Variants in CELF2 observed in about 807,000 individuals in gnomAD.
CELF2 encodes CUG triplet repeat RNA-binding protein 2.
CELF2 carries 8 observed loss-of-function variants against 62.6 expected under a neutral mutation model. The observed-to-expected ratio is 0.13, with a 90% CI of 0.07 to 0.23. The LOEUF is 0.23. Among genes scored for constraint, CELF2 ranks in the 10% least tolerant of loss-of-function variants. The pLI is 1.00. For synonymous variants in CELF2, 258 were observed against 250.0 expected, an observed-to-expected ratio of 1.03 and a Z score of -0.30; for missense variants, 333 against 671.0, an observed-to-expected ratio of 0.50 and a Z score of 5.56.
chr10:10,512,889 C>T, the CELF2 span, among the ~76,000 whole-genome samples: 5 of 152,112 alleles, frequency 3.3e-5, no homozygotes, highest in African/African-American at 1.2e-4. Context: ...ATACCCTGGC[C>T]ACCATCCCAG....
At chr10:11,238,118 A>G (rs2072250739) in intron 3 of CELF2, among the ~76,000 whole-genome samples, 2 of 152,222 alleles carry the variant, frequency 1.3e-5, no homozygotes, top group African/African-American at 4.8e-5. Flanking sequence ...TGGAGCGCCC[A>G]TCATTGACTT....
intron 1 of CELF2, among the ~76,000 whole-genome samples, chr10:10,820,741 C>T (rs749715818): frequency 2.6e-5 from 4 of 152,106 alleles, no homozygotes; most frequent in East Asian, 1.9e-4. Flanking sequence ...AGTCAACCAG[C>T]GAGGACAGGA....
Position 11,314,308 on chromosome 10 carries a change from A to C in CELF2, c.1096+50A>C, listed in dbSNP as rs778234930. The stretch of plus-strand genomic sequence containing the variant: ...TGCTCTGGTGGACAGCCTTCCCCCA[A>C]ATTCTCCACAGAAAGTGGTCAGCCA... On this transcript the variant is annotated intron_variant, in intron 10 of 12. Transcript: ENST00000633077. The surrounding 1 kb of genome is among the most constrained non-coding windows in gnomAD (Gnocchi z 5.3). 6.2e-7 allele frequency: 1 copy of C among 1,613,470 alleles called. No individual in the cohort carries two copies. Among genetic ancestry groups the C allele is most frequent in the South Asian group, 1.1e-5 (1 of 91,044 alleles).
intron 1 of CELF2, among the ~76,000 whole-genome samples, chr10:10,857,681 A>ATATATT (rs1040346336): frequency 2.3e-4 from 32 of 137,578 alleles, no homozygotes; most frequent in African/African-American, 8.5e-4. Flanking sequence ...ATATATATAT[A>ATATATT]TTTTACCTCA....
chr10:11,285,869 G>GTGTGTGTT lies in CELF2; in HGVS notation c.842-2542_842-2541insTTGTGTGT, dbSNP rs2091121407. Among the ~76,000 whole-genome samples the GTGTGTGTT allele has an allele frequency of 1.0e-5, 1 of 95,286 alleles. No individual in the cohort carries two copies. Among genetic ancestry groups the GTGTGTGTT allele is most frequent in the Non-Finnish European group, 2.3e-5 (1 of 44,312 alleles). 62.5% of individuals were successfully genotyped at this position (95,286 alleles called of 152,430 possible). A position where few individuals can be genotyped will look rare whatever the true frequency, so the allele number is the denominator to read the frequency against. On this transcript the variant is annotated intron_variant, in intron 8 of 12. Coordinates refer to ENST00000633077, the MANE Select transcript of CELF2 (RefSeq NM_001326342.2). This position sits in a 1 kb window ranked among gnomAD's most constrained non-coding sequence, Gnocchi z 4.3. ...TGTGTGTGTGTGTGTGTGTGTGTGT[G>GTGTGTGTT]TGTGTGTGTTTTTACATGGACTTGA...
chr10:11,239,421 G>A lies in CELF2; in HGVS notation c.355-9732G>A, dbSNP rs2072917403. ...GGCTGTATATATCCCAGGTGACCGAGAAAGGCCATTCTCTCCAATGTGTTC... is the reference window on the plus strand; with the variant it reads ...GGCTGTATATATCCCAGGTGACCGAAAAAGGCCATTCTCTCCAATGTGTTC... On this transcript the variant is annotated intron_variant, in intron 3 of 12. Coordinates refer to ENST00000633077, the MANE Select transcript of CELF2 (RefSeq NM_001326342.2). Among the ~76,000 whole-genome samples the A allele has an allele frequency of 2.0e-5, 3 of 152,262 alleles. No homozygotes were observed. In the South Asian group the frequency reaches 6.2e-4, roughly 32 times the overall value.
chr10:11,174,255 A>G (rs1596615131), intron 2 of CELF2, among the ~76,000 whole-genome samples: 1 of 152,158 alleles, frequency 6.6e-6, no homozygotes, highest in African/African-American at 2.4e-5. Context: ...TCACATAGAC[A>G]AACACACACA....
rs35482385 is a variant in CELF2 at position 10,979,672 on chromosome 10, C to CAAAAAAAAAAAAAAA, written c.89+59684_89+59698dup. Among the ~76,000 whole-genome samples, 4 of 68,988 alleles carry CAAAAAAAAAAAAAAA rather than the reference C, an allele frequency of 5.8e-5. 1 individual carries two copies. Among genetic ancestry groups the CAAAAAAAAAAAAAAA allele is most frequent in the African/African-American group, 1.9e-4 (4 of 21,200 alleles). The allele number at this position is 68,988 out of a possible 152,430, so 45.3% of individuals were successfully genotyped here. On this transcript the variant is annotated intron_variant, in intron 2 of 13. Coordinates refer to the CELF2 transcript ENST00000636488. Reference sequence around the variant, plus strand: ...GGCGATAGAGCCAGACCTTGTCTCTCAAAAAAAAAAAAAAAAAAAAAAAAA... The same window carrying CAAAAAAAAAAAAAAA: ...GGCGATAGAGCCAGACCTTGTCTCTCAAAAAAAAAAAAAAAAAAAAAAAAAAAAAAAAAAAAAAAA...
the CELF2 span, among the ~76,000 whole-genome samples, chr10:10,602,140 T>C: frequency 6.6e-6 from 1 of 152,216 alleles, no homozygotes; most frequent in Non-Finnish European, 1.5e-5. Context: ...AGTCTATCAC[T>C]GATGGGCATT....
At chr10:10,759,906 C>CT in the CELF2 span, among the ~76,000 whole-genome samples, 439 of 151,320 alleles carry the variant, frequency 2.9e-3, 1 homozygote, top group African/African-American at 8.5e-3. Flanking sequence ...TTCTTAAAAT[C>CT]TTTTTTTTTG....
At chr10:10,792,064 G>A in the CELF2 span, among the ~76,000 whole-genome samples, 20 of 144,328 alleles carry the variant, frequency 1.4e-4, no homozygotes, top group Admixed American at 3.6e-4. Context: ...GAAGGAAGGA[G>A]GGAGGAAGGA....
chr10:10,849,743 A>G (rs986641027), intron 1 of CELF2, among the ~76,000 whole-genome samples: 11 of 152,060 alleles, frequency 7.2e-5, no homozygotes, highest in African/African-American at 2.2e-4. Context: ...GTGTGTGTGT[A>G]TATATTATGA....
At chr10:10,814,499 G>A (rs1037032361) in intron 1 of CELF2, among the ~76,000 whole-genome samples, 3 of 152,076 alleles carry the variant, frequency 2.0e-5, no homozygotes, top group Non-Finnish European at 4.4e-5. Flanking sequence ...TCAGGCCTTC[G>A]GGCAACCACA....
intron 1 of CELF2, among the ~76,000 whole-genome samples, chr10:10,885,837 C>T (rs531862700): frequency 4.6e-5 from 7 of 152,294 alleles, no homozygotes; most frequent in Non-Finnish European, 1.0e-4. Flanking sequence ...TTCTTTCTGA[C>T]CTCTGCTTCC....
At chr10:10,862,887 C>A (rs2060127766) in intron 1 of CELF2, among the ~76,000 whole-genome samples, 1 of 152,110 alleles carries the variant, frequency 6.6e-6, no homozygotes, top group African/African-American at 2.4e-5. Flanking sequence ...TTAATTCTGT[C>A]AATAGTGTTC....
At chr10:10,554,898 A>G in the CELF2 span, among the ~76,000 whole-genome samples, 1 of 152,130 alleles carries the variant, frequency 6.6e-6, no homozygotes, top group African/African-American at 2.4e-5. Flanking sequence ...ATAATCCTAG[A>G]GATGTTACAA....
chr10:11,316,442 A>G lies in CELF2; in HGVS notation c.1096+2184A>G, dbSNP rs2094989140. ...TATTTGCTGCTTGTCTCTAAATATC[A>G]ACAGAAAACCTTCCAAGATAGAGTA... On this transcript the variant is annotated intron_variant, in intron 10 of 12. Coordinates refer to ENST00000633077, the MANE Select transcript of CELF2 (RefSeq NM_001326342.2). The surrounding 1 kb of genome is among the most constrained non-coding windows in gnomAD (Gnocchi z 4.4). Among the ~76,000 whole-genome samples the G allele has an allele frequency of 6.6e-6, 1 of 152,240 alleles. No individual in the cohort carries two copies. Among genetic ancestry groups the G allele is most frequent in the Non-Finnish European group, 1.5e-5 (1 of 68,040 alleles).
chr10:10,637,788 A>G, the CELF2 span, among the ~76,000 whole-genome samples: 8 of 152,176 alleles, frequency 5.3e-5, no homozygotes, highest in African/African-American at 1.9e-4. Flanking sequence ...AAGCATTGTC[A>G]GCCCCGTTTG....
Position 11,278,587 on chromosome 10 carries a change from A to G in CELF2, c.841+3467A>G, listed in dbSNP as rs77224012. ...AACAACTATCAACTCAGAAGATCAT[A>G]TAACAGAAAAACAAGGGGTAGTGTT... On this transcript the variant is annotated intron_variant, in intron 8 of 12. Transcript: ENST00000633077. 6.0e-3 allele frequency among the ~76,000 whole-genome samples: 919 copies of G among 152,334 alleles called. 18 individuals carry two copies. The highest frequency in any genetic ancestry group is 0.029 in the East Asian group (152 of 5,190).
Sources: allele counts gnomAD v4.1 joint callset (sites outside exome capture counted in the v4.1 genomes callset), GRCh38; gene constraint gnomAD v4.1.1; non-coding constraint Gnocchi (gnomAD v3.1); transcripts MANE v1.5; gene names NCBI Gene and HGNC (gene_info 2026-07-23, HGNC 2026-07-21).